GPR63: variants seen among roughly 807,000 people sequenced by gnomAD.
The protein encoded by GPR63 is G protein-coupled receptor 63, also known as probable G protein-coupled receptor 63.
GPR63 carries 12 observed loss-of-function variants against 23.1 expected under a neutral mutation model. The observed-to-expected ratio is 0.52, with a 90% CI of 0.33 to 0.84. The LOEUF is 0.84. Among genes scored for constraint, GPR63 ranks in the 40% least tolerant of loss-of-function variants. The pLI is 0.02. For synonymous variants in GPR63, 172 were observed against 191.1 expected, an observed-to-expected ratio of 0.90 and a Z score of 0.82; for missense variants, 472 against 515.6, an observed-to-expected ratio of 0.92 and a Z score of 0.82.
At chr6:96,803,392 G>C (rs2127945288) in intron 1 of GPR63, among the ~76,000 whole-genome samples, 1 of 152,276 alleles carries the variant, frequency 6.6e-6, no homozygotes, top group Admixed American at 6.5e-5. Context: ...GTGCCTATTA[G>C]ATATAAATTG....
chr6:96,799,801 G>GT lies in GPR63; in HGVS notation c.-71dup. On this transcript the variant is annotated 5_prime_UTR_variant, in exon 2 of 2. An upstream open reading frame in the 5' UTR loses its in-frame stop. Coordinates refer to ENST00000229955, the MANE Select transcript of GPR63 (RefSeq NM_030784.4). Reference sequence around the variant, plus strand: ...TCAAGCATTTCAACACAGAACAGCAGTATCAGGTCCCATTGATGGGCTTGG... The same window carrying GT: ...TCAAGCATTTCAACACAGAACAGCAGTTATCAGGTCCCATTGATGGGCTTGG... 1 of 1,490,114 alleles carries GT rather than the reference G, an allele frequency of 6.7e-7. No homozygotes were observed. Among genetic ancestry groups the GT allele is most frequent in the Non-Finnish European group, 9.4e-7 (1 of 1,068,058 alleles). The allele number at this position is 1,490,114 out of a possible 1,614,324, so 92.3% of individuals were successfully genotyped here.
chr6:96,806,282 A>G (rs899601582), intron 1 of GPR63, among the ~76,000 whole-genome samples: 5 of 152,236 alleles, frequency 3.3e-5, no homozygotes, highest in Non-Finnish European at 7.3e-5. Context: ...TAGTATTTCA[A>G]GATATCCCTT....
chr6:96,812,103 T>C (rs1415551779), intron 1 of GPR63, among the ~76,000 whole-genome samples: 1 of 151,966 alleles, frequency 6.6e-6, no homozygotes, highest in African/African-American at 2.4e-5. Flanking sequence ...GGGAAGAGCT[T>C]ATTTAAAGTT....
chr6:96,813,422 C>G (rs1485029479), intron 1 of GPR63, among the ~76,000 whole-genome samples: 1 of 152,070 alleles, frequency 6.6e-6, no homozygotes, highest in East Asian at 1.9e-4. Context: ...CCATACTGAC[C>G]CAGTGGTCAT....
At chr6:96,805,458 T>C (rs1387512668) in intron 1 of GPR63, among the ~76,000 whole-genome samples, 1 of 152,086 alleles carries the variant, frequency 6.6e-6, no homozygotes, top group Non-Finnish European at 1.5e-5. Flanking sequence ...CATTTCAACA[T>C]GAGATCTGGA....
chr6:96,799,320 C>A lies in GPR63; in HGVS notation c.412G>T (p.Ala138Ser). 4 of 1,614,076 alleles carry A rather than the reference C, an allele frequency of 2.5e-6. No individual in the cohort carries two copies. Among genetic ancestry groups the A allele is most frequent in the South Asian group, 1.1e-5 (1 of 91,076 alleles). The change falls in exon 2 of 2, where the codon GCC becomes TCC. Residue 138 changes from alanine to serine, a missense_variant. Ala to Ser is a moderately conservative substitution (Grantham distance 99). Coordinates refer to ENST00000229955, the MANE Select transcript of GPR63 (RefSeq NM_030784.4). ...MLLAVLNMPF[A>S]LVTILTTRWI... ...CGGGTAGTAAGAATAGTTACCAGGG[C>A]AAAGGGCATGTTCAGCACTGCAAGC...
In GPR63 at chr6:96,799,799, C is replaced by G. The variant is rs774797609; in HGVS notation, c.-68G>C. On this transcript the variant is annotated 5_prime_UTR_variant, in exon 2 of 2. Coordinates refer to ENST00000229955, the MANE Select transcript of GPR63 (RefSeq NM_030784.4). ...CTTCAAGCATTTCAACACAGAACAG[C>G]AGTATCAGGTCCCATTGATGGGCTT... The G allele has an allele frequency of 6.7e-6, 10 of 1,503,586 alleles. No homozygotes were observed. The Admixed American group carries it at 1.7e-4, about 25-fold the overall frequency. 93.1% of individuals were successfully genotyped at this position (1,503,586 alleles called of 1,614,324 possible).
In GPR63 at chr6:96,794,233, AT is replaced by A. The variant is rs1161370970; in HGVS notation, c.*4238del. ...CGATATTTAAATATTAGAACCCATAATTCAAGGTTGTTTTTTTTTCCATACA... is the reference window on the plus strand; with the variant it reads ...CGATATTTAAATATTAGAACCCATAATCAAGGTTGTTTTTTTTTCCATACA... On this transcript the variant is annotated 3_prime_UTR_variant, in exon 2 of 2. Transcript: ENST00000229955. 1 of 152,064 alleles carries A rather than the reference AT, an allele frequency of 6.6e-6. No individual in the cohort carries two copies. The highest frequency in any genetic ancestry group is 1.5e-5 in the Non-Finnish European group (1 of 67,984). 9.4% of individuals were successfully genotyped at this position (152,064 alleles called of 1,614,324 possible). A position where few individuals can be genotyped will look rare whatever the true frequency, so the allele number is the denominator to read the frequency against.
At chr6:96,824,410 C>T (rs1582272806) in intron 1 of GPR63, among the ~76,000 whole-genome samples, 1 of 151,954 alleles carries the variant, frequency 6.6e-6, no homozygotes, top group East Asian at 1.9e-4. Flanking sequence ...TCTAACTCCT[C>T]TAAAACAATC....
At chr6:96,823,778 T>G (rs143908121) in intron 1 of GPR63, among the ~76,000 whole-genome samples, 2,267 of 152,244 alleles carry the variant, frequency 0.015, 19 homozygotes, top group Non-Finnish European at 0.022. Flanking sequence ...CACCATATTT[T>G]TACTGTACCT....
At chr6:96,827,743 A>G (rs899259895) in intron 1 of GPR63, among the ~76,000 whole-genome samples, 1 of 152,170 alleles carries the variant, frequency 6.6e-6, no homozygotes, top group African/African-American at 2.4e-5. Context: ...CAATGAAATG[A>G]TATTTTTGAT....
intron 1 of GPR63, among the ~76,000 whole-genome samples, chr6:96,804,600 C>T (rs947593700): frequency 6.6e-6 from 1 of 152,194 alleles, no homozygotes; most frequent in East Asian, 1.9e-4. Flanking sequence ...CAAACCCTGT[C>T]CCAATCTTCA....
chr6:96,799,864 C>T lies in GPR63; in HGVS notation c.-133G>A, dbSNP rs548270008. 1.2e-6 allele frequency: 1 copy of T among 826,980 alleles called. No individual in the cohort carries two copies. Among genetic ancestry groups the T allele is most frequent in the East Asian group, 2.6e-5 (1 of 38,826 alleles). The allele number at this position is 826,980 out of a possible 1,614,324, so 51.2% of individuals were successfully genotyped here. A position where few individuals can be genotyped will look rare whatever the true frequency, so the allele number is the denominator to read the frequency against. ...GAAAATGGACAATGAGTTCCATCTT[C>T]CACAAGAGTCCTTTTGCCTGAAAAT... On this transcript the variant is annotated 5_prime_UTR_variant, in exon 2 of 2. Coordinates refer to ENST00000229955, the MANE Select transcript of GPR63 (RefSeq NM_030784.4).
chr6:96,794,419 A>C lies in GPR63; in HGVS notation c.*4053T>G, dbSNP rs1280865519. On this transcript the variant is annotated 3_prime_UTR_variant, in exon 2 of 2. Transcript: ENST00000229955. ...AATGAAGGCAGTTTAGCAGGACTAT[A>C]GTTGTGAAAATAAATCTGAATGTAG... 1.3e-5 allele frequency: 2 copies of C among 152,214 alleles called. No individual in the cohort carries two copies. The highest frequency in any genetic ancestry group is 4.8e-5 in the African/African-American group (2 of 41,474). 9.4% of individuals were successfully genotyped at this position (152,214 alleles called of 1,614,324 possible).
Position 96,817,485 on chromosome 6 carries a change from C to T in GPR63, c.-150-17604G>A, listed in dbSNP as rs928123366. ...ATTTGTAGTTATGCCTGCTCTGTTA[C>T]CCAGTAATCCCACTCCTGAGTAATG... On this transcript the variant is annotated intron_variant, in intron 1 of 1. Coordinates refer to ENST00000229955, the MANE Select transcript of GPR63 (RefSeq NM_030784.4). Among the ~76,000 whole-genome samples, 9 of 152,166 alleles carry T rather than the reference C, an allele frequency of 5.9e-5. No individual in the cohort carries two copies. The South Asian group carries it at 1.7e-3, about 28-fold the overall frequency.
rs1737432449 is a variant in GPR63 at position 96,796,808 on chromosome 6, T to G, written c.*1664A>C. 1 of 152,102 alleles carries G rather than the reference T, an allele frequency of 6.6e-6. No individual in the cohort carries two copies. Among genetic ancestry groups the G allele is most frequent in the East Asian group, 1.9e-4 (1 of 5,188 alleles). 9.4% of individuals were successfully genotyped at this position (152,102 alleles called of 1,614,324 possible). On this transcript the variant is annotated 3_prime_UTR_variant, in exon 2 of 2. Coordinates refer to ENST00000229955, the MANE Select transcript of GPR63 (RefSeq NM_030784.4). ...AGACCTACACATAGCTATCTTTAAT[T>G]TCTCAATAATTGTCAGTCACTTGTT...
chr6:96,799,394 C>T lies in GPR63; in HGVS notation c.338G>A (p.Arg113Lys). Residue 113 changes from arginine to lysine, a missense_variant, in exon 2 of 2, where the codon AGG becomes AAG. By Grantham distance (26) the Arg-to-Lys change is conservative. Transcript: ENST00000229955. ...CLMVYQKAAM[R>K]SAINILLASL... is the part of the protein sequence containing the mutation. The stretch of plus-strand genomic sequence containing the variant: ...GGCAAGGAGGATGTTAATTGCAGAC[C>T]TCATGGCAGCTTTTTGGTAAACCAT... 6.2e-7 allele frequency: 1 copy of T among 1,614,112 alleles called. No homozygotes were observed.
chr6:96,798,834 A>G lies in GPR63; in HGVS notation c.898T>C (p.Phe300Leu). The G allele has an allele frequency of 6.2e-7, 1 of 1,614,160 alleles. No individual in the cohort carries two copies. Among genetic ancestry groups the G allele is most frequent in the Non-Finnish European group, 8.5e-7 (1 of 1,180,032 alleles). Reference protein sequence around the residue: ...KLGLMSLQRPFQMSIDMGFKT... With the variant: ...KLGLMSLQRPLQMSIDMGFKT... ...AAGCCCATGTCAATGCTCATCTGGA[A>G]AGGTCTCTGCAGACTCATGAGACCC... The change falls in exon 2 of 2, where the codon TTC (phenylalanine) becomes CTC (leucine). Residue 300 changes from phenylalanine (F) to leucine (L), a missense_variant. Phe to Leu is a conservative substitution (Grantham distance 22). Coordinates refer to ENST00000229955, the MANE Select transcript of GPR63 (RefSeq NM_030784.4).
intron 1 of GPR63, among the ~76,000 whole-genome samples, chr6:96,804,058 C>A (rs62413030): frequency 0.033 from 4,986 of 152,266 alleles, 129 homozygotes; most frequent in Middle Eastern, 0.068. Context: ...ATTTATGATT[C>A]TCTCTTATTC....
Sources: allele counts gnomAD v4.1 joint callset (sites outside exome capture counted in the v4.1 genomes callset), GRCh38; gene constraint gnomAD v4.1.1; transcripts MANE v1.5; gene names NCBI Gene and HGNC (gene_info 2026-07-23, HGNC 2026-07-21).